The following ZNF560 variants were observed in gnomAD, a reference collection of about 807,000 sequenced individuals.
ZNF560 encodes the protein zinc finger protein 560.
ZNF560 carries 54 observed loss-of-function variants against 81.8 expected under a neutral mutation model. The ratio of observed to expected loss-of-function variants is 0.66; its 90% confidence interval spans 0.53 to 0.83. The LOEUF (loss-of-function observed/expected upper bound fraction) is 0.83, where lower values mean the gene tolerates loss of function less well. Ranked by LOEUF, ZNF560 falls within the 40% of genes least tolerant of loss-of-function variation. The probability of loss-of-function intolerance (pLI) is 0.00; values close to 1 mark genes in which losing one functional copy is unlikely to be tolerated. For missense variants in ZNF560, 940 were observed against 932.4 expected (o/e 1.01, Z -0.11); for synonymous variants, 321 against 317.9 (o/e 1.01, Z -0.10).
At chr19:9,462,602 A>G (rs1276336322), downstream of ZNF560, among the ~76,000 whole-genome samples, 4 of 152,090 alleles carry the variant, frequency 2.6e-5, no homozygotes, top group Non-Finnish European at 5.9e-5. Flanking sequence ...CTTGGCAAAT[A>G]TTACATGCCA....
At chr19:9,450,850 G>T in the ZNF560 span, among the ~76,000 whole-genome samples, 2 of 152,124 alleles carry the variant, frequency 1.3e-5, no homozygotes, top group African/African-American at 2.4e-5. Context: ...TACACCAATA[G>T]TGTTCAAGCT....
At chr19:9,452,684 A>T in the ZNF560 span, among the ~76,000 whole-genome samples, 1 of 152,234 alleles carries the variant, frequency 6.6e-6, no homozygotes, top group Middle Eastern at 3.2e-3. Context: ...CTCATTTGTG[A>T]GAGCTAAGCG....
At chr19:9,488,387 C>T (rs2073419173) in intron 2 of ZNF560, among the ~76,000 whole-genome samples, 2 of 152,096 alleles carry the variant, frequency 1.3e-5, no homozygotes, top group Non-Finnish European at 2.9e-5. Flanking sequence ...ACCTAAGACA[C>T]TTTGAGCCTC....
downstream of ZNF560, among the ~76,000 whole-genome samples, chr19:9,465,421 A>G (rs1006222843): frequency 5.8e-4 from 89 of 152,286 alleles, 1 homozygote; most frequent in African/African-American, 2.1e-3. Flanking sequence ...TATAGGCATG[A>G]GCCACTGCGC....
rs182621551 is a variant in ZNF560, at chr19:9,468,066, C to T, written c.881G>A (p.Gly294Asp). The change falls in exon 10 of 10, where the codon GGC becomes GAC. Residue 294 changes from glycine to aspartate, a missense_variant. Transcript: ENST00000301480. ...AATGAAGGCTTTCCCATAGTCAGTG[C>T]CTTCAAAGGATTTATCTTGTGTACA... ...RKCTQDKSFE[G>D]TDYGKAFIYQ... The T allele has an allele frequency of 6.2e-7, 1 of 1,614,116 alleles. No individual in the cohort carries two copies. Among genetic ancestry groups the T allele is most frequent in the Non-Finnish European group, 8.5e-7 (1 of 1,180,030 alleles).
chr19:9,460,685 G>T, the ZNF560 span, among the ~76,000 whole-genome samples: 10,307 of 152,184 alleles, frequency 0.068, 460 homozygotes, highest in Non-Finnish European at 0.097. Context: ...TCACTCTATG[G>T]CAGTTACACA....
intron 2 of ZNF560, among the ~76,000 whole-genome samples, chr19:9,485,712 AT>A (rs1329135927): frequency 6.6e-6 from 1 of 151,714 alleles, no homozygotes; most frequent in African/African-American, 2.4e-5. Context: ...CACCCAGCTA[AT>A]TTTGTATTTT....
chr19:9,493,656 C>T (rs2073507787), intron 2 of ZNF560, among the ~76,000 whole-genome samples: 1 of 152,070 alleles, frequency 6.6e-6, no homozygotes, highest in Non-Finnish European at 1.5e-5. Flanking sequence ...ACACCCAGCC[C>T]CAGGTTTTCT....
Position 9,490,290 on chromosome 19 carries a change from C to A in ZNF560, c.-57+7838G>T, listed in dbSNP as rs76600000. On this transcript the variant is annotated intron_variant, in intron 2 of 9. Coordinates refer to ENST00000301480, the MANE Select transcript of ZNF560 (RefSeq NM_152476.3). Reference sequence around the variant, plus strand: ...TGTTAAGACTACAGGAGATAACAATCATTAAGATGAGTTCCCTGTTTCAAT... The same window carrying A: ...TGTTAAGACTACAGGAGATAACAATAATTAAGATGAGTTCCCTGTTTCAAT... 6.9e-3 allele frequency among the ~76,000 whole-genome samples: 1,048 copies of A among 152,318 alleles called. 10 individuals are homozygous for A. The highest frequency in any genetic ancestry group is 0.024 in the African/African-American group (977 of 41,570).
intron 9 of ZNF560, 80 bp from the exon 10 acceptor site, chr19:9,468,414 A>G (rs2073068896): frequency 1.7e-6 from 2 of 1,154,608 alleles, no homozygotes; most frequent in East Asian, 2.5e-5. Flanking sequence ...GAAACATGAT[A>G]ATTATTATTT....
chr19:9,460,965 T>C, the ZNF560 span, among the ~76,000 whole-genome samples: 3 of 152,078 alleles, frequency 2.0e-5, no homozygotes, highest in African/African-American at 7.2e-5. Flanking sequence ...AATAAAACGA[T>C]CAGATGGTAA....
At chr19:9,459,506 A>G in the ZNF560 span, among the ~76,000 whole-genome samples, 1 of 152,148 alleles carries the variant, frequency 6.6e-6, no homozygotes, top group Non-Finnish European at 1.5e-5. Flanking sequence ...ATCAGACTGA[A>G]CACTAGGCCA....
intron 7 of ZNF560, chr19:9,469,925 ACTAGCAG>A: frequency 9.4e-6 from 5 of 532,234 alleles, no homozygotes; most frequent in Non-Finnish European, 1.7e-5. Context: ...AGAAACAAGC[ACTAGCAG>A]TGAGCTGCAC....
At chr19:9,459,807 CA>C in the ZNF560 span, among the ~76,000 whole-genome samples, 1 of 152,130 alleles carries the variant, frequency 6.6e-6, no homozygotes, top group South Asian at 2.1e-4. Flanking sequence ...TTATGAGCCA[CA>C]AGGGGTTTTA....
intron 8 of ZNF560, 146 bp downstream of exon 8, chr19:9,469,484 T>A: frequency 1.4e-6 from 1 of 699,936 alleles, no homozygotes; most frequent in Non-Finnish European, 2.5e-6. Flanking sequence ...TGCAAAGCAA[T>A]GGAGGATGAA....
chr19:9,462,837 G>A (rs191984259), downstream of ZNF560, among the ~76,000 whole-genome samples: 2 of 152,196 alleles, frequency 1.3e-5, no homozygotes, highest in East Asian at 3.9e-4. Flanking sequence ...TCAGTCCTAG[G>A]TACCTGAATT....
downstream of ZNF560, among the ~76,000 whole-genome samples, chr19:9,461,457 T>C (rs2072930242): frequency 6.6e-6 from 1 of 152,190 alleles, no homozygotes; most frequent in Admixed American, 6.5e-5. Flanking sequence ...AAGTTCTCAG[T>C]GTTTCATTGC....
chr19:9,501,365 G>C, upstream of ZNF560, among the ~76,000 whole-genome samples: 1 of 149,538 alleles, frequency 6.7e-6, no homozygotes, highest in Admixed American at 6.7e-5. Flanking sequence ...GTGTGTGTGT[G>C]TGTGTGTGTG....
rs1355048169 is a variant in ZNF560 at position 9,467,404 on chromosome 19, G to T, written c.1543C>A (p.Pro515Thr). ...TTCCCACATTTGTAACACTTAAAGG[G>T]CTTCTCACCAGTGTGAGTTCTCAAA... ...AHLRTHTGEK[P>T]FKCYKCGKPF... is the part of the protein sequence containing the mutation. The change falls in exon 10 of 10, where the codon CCC (proline) becomes ACC (threonine). Residue 515 changes from proline to threonine, a missense_variant. By Grantham distance (38) the Pro-to-Thr change is conservative. Transcript: ENST00000301480. 1 of 1,614,118 alleles carries T rather than the reference G, an allele frequency of 6.2e-7. No individual in the cohort carries two copies. The highest frequency in any genetic ancestry group is 1.7e-5 in the Admixed American group (1 of 60,010).
Sources: allele counts gnomAD v4.1 joint callset (sites outside exome capture counted in the v4.1 genomes callset), GRCh38; gene constraint gnomAD v4.1.1; transcripts MANE v1.5; gene names NCBI Gene and HGNC (gene_info 2026-07-23, HGNC 2026-07-21).